GAB2: variants seen among roughly 807,000 people sequenced by gnomAD.
GAB2 encodes the protein GRB2 associated binding protein 2.
Under a neutral mutation model 65.5 loss-of-function variants are expected in GAB2, and 26 were observed. That is an observed-to-expected ratio of 0.40 (90% CI 0.29 to 0.55). GAB2 has a LOEUF of 0.55. GAB2 is among the 20% of genes least tolerant of loss of function. The pLI is 0.53. For synonymous variants in GAB2, 321 were observed against 329.6 expected, an observed-to-expected ratio of 0.97 and a Z score of 0.28; for missense variants, 884 against 875.8, an observed-to-expected ratio of 1.01 and a Z score of -0.12.
At position 78,379,572 on chromosome 11, in the gene GAB2, C is replaced by G. The variant is rs1856672453; in HGVS notation, c.75+38074G>C. Among the ~76,000 whole-genome samples, 12 of 152,332 alleles carry G rather than the reference C, an allele frequency of 7.9e-5. 1 individual carries two copies. The South Asian group carries it at 2.5e-3, about 32-fold the overall frequency. On this transcript the variant is annotated intron_variant, in intron 1 of 9. Coordinates refer to ENST00000361507, the MANE Select transcript of GAB2 (RefSeq NM_080491.3). ...AATGGGTCCTGATACCTTCACCATC[C>G]TATGATTTTCAACAAGCTACTATAT...
chr11:78,389,875 A>G (rs1450927948), intron 1 of GAB2, among the ~76,000 whole-genome samples: 1 of 152,200 alleles, frequency 6.6e-6, no homozygotes, highest in Non-Finnish European at 1.5e-5. Context: ...TCTCTCTCGC[A>G]ATGCCTAGCT....
chr11:78,215,424 C>T lies in GAB2; in HGVS notation c.*3848G>A, dbSNP rs1864071312. 1 of 152,590 alleles carries T rather than the reference C, an allele frequency of 6.6e-6. No homozygotes were observed. The highest frequency in any genetic ancestry group is 6.5e-5 in the Admixed American group (1 of 15,278). 9.5% of individuals were successfully genotyped at this position (152,590 alleles called of 1,614,324 possible). On this transcript the variant is annotated 3_prime_UTR_variant, in exon 10 of 10. Transcript: ENST00000361507. Reference sequence around the variant, plus strand: ...GACCCACTTGAACACACTCCTGTCCCACCCACCGGATAAATATGTTACAAT... The same window carrying T: ...GACCCACTTGAACACACTCCTGTCCTACCCACCGGATAAATATGTTACAAT...
intron 1 of GAB2, among the ~76,000 whole-genome samples, chr11:78,405,818 G>A (rs1018652748): frequency 6.6e-6 from 1 of 152,146 alleles, no homozygotes; most frequent in African/African-American, 2.4e-5. Flanking sequence ...CAGTCAGCAT[G>A]GCAGAAACAC....
chr11:78,373,553 A>T (rs1856598200), intron 1 of GAB2, among the ~76,000 whole-genome samples: 1 of 152,122 alleles, frequency 6.6e-6, no homozygotes, highest in Non-Finnish European at 1.5e-5. Context: ...ATGACTTTTT[A>T]AATCAAATAA....
At chr11:78,417,060 A>G (rs1436953525) in intron 1 of GAB2, among the ~76,000 whole-genome samples, 1 of 152,126 alleles carries the variant, frequency 6.6e-6, no homozygotes, top group Non-Finnish European at 1.5e-5. Context: ...GAATAAAGGG[A>G]AAGAAGGGGG....
At chr11:78,358,972 T>A (rs755467242) in intron 1 of GAB2, among the ~76,000 whole-genome samples, 1 of 152,024 alleles carries the variant, frequency 6.6e-6, no homozygotes, top group Non-Finnish European at 1.5e-5. Context: ...AATGAAAAAG[T>A]CCATGGTCAA....
At chr11:78,329,260 A>T (rs1391465430) in intron 1 of GAB2, among the ~76,000 whole-genome samples, 1 of 152,070 alleles carries the variant, frequency 6.6e-6, no homozygotes, top group Non-Finnish European at 1.5e-5. Flanking sequence ...GCTAGGAGAA[A>T]GAGAGTAGAG....
intron 1 of GAB2, among the ~76,000 whole-genome samples, chr11:78,345,848 C>T (rs146765780): frequency 2.0e-4 from 31 of 152,304 alleles, no homozygotes; most frequent in Non-Finnish European, 4.4e-4. Context: ...CTGTCCTCAT[C>T]CTACCAGCTG....
At chr11:78,318,718 G>C (rs555877482) in intron 1 of GAB2, among the ~76,000 whole-genome samples, 1 of 152,140 alleles carries the variant, frequency 6.6e-6, no homozygotes, top group Non-Finnish European at 1.5e-5. Flanking sequence ...GGTTTCTGAC[G>C]AATTCTGAAT....
intron 1 of GAB2, among the ~76,000 whole-genome samples, chr11:78,371,805 G>A (rs1276497280): frequency 6.6e-6 from 1 of 152,124 alleles, no homozygotes; most frequent in Non-Finnish European, 1.5e-5. Context: ...TCTGACAGCT[G>A]TACCGGCCAG....
chr11:78,367,821 C>CTTTTTTTTTTTTTTT (rs569887849), intron 1 of GAB2, among the ~76,000 whole-genome samples: 1 of 116,122 alleles, frequency 8.6e-6, no homozygotes, highest in Non-Finnish European at 1.8e-5. Context: ...TTTTCTTTTT[C>CTTTTTTTTTTTTTTT]TTTTTTTTTT....
rs144463451 is a variant in GAB2, at chr11:78,303,318, T to A, written c.76-22417A>T. ...AAATGTTTTATAATTTTAGCTTTGA[T>A]ATTTGTCTATGACCCATGTTTGTAT... On this transcript the variant is annotated intron_variant, in intron 1 of 9. Transcript: ENST00000361507. 5.6e-3 allele frequency among the ~76,000 whole-genome samples: 853 copies of A among 152,318 alleles called. 7 individuals are homozygous for A. The highest frequency in any genetic ancestry group is 8.5e-3 in the Non-Finnish European group (578 of 68,022).
At chr11:78,410,333 G>A (rs1474179001) in intron 1 of GAB2, among the ~76,000 whole-genome samples, 1 of 152,150 alleles carries the variant, frequency 6.6e-6, no homozygotes, top group Non-Finnish European at 1.5e-5. Flanking sequence ...GTGAAACCCT[G>A]TCTCTACTAA....
chr11:78,338,803 C>T (rs542769233), intron 1 of GAB2, among the ~76,000 whole-genome samples: 2 of 152,294 alleles, frequency 1.3e-5, no homozygotes, highest in South Asian at 2.1e-4. Context: ...TCTGGGAACA[C>T]CTTAATAATA....
chr11:78,398,013 T>C (rs1444707644), intron 1 of GAB2, among the ~76,000 whole-genome samples: 1 of 107,078 alleles, frequency 9.3e-6, no homozygotes, highest in Non-Finnish European at 1.7e-5. Flanking sequence ...GTCCTGCCTG[T>C]GAATAGCTAC....
Position 78,280,592 on chromosome 11 carries a change from TTC to T in GAB2, c.376+7_376+8del. 10 of 1,608,204 alleles carry T rather than the reference TTC, an allele frequency of 6.2e-6. No individual in the cohort carries two copies. The highest frequency in any genetic ancestry group is 8.5e-6 in the Non-Finnish European group (10 of 1,175,898). On this transcript the variant is annotated splice_region_variant and intron_variant, in intron 2 of 9. Transcript: ENST00000361507. ...CCCCTATGAGAAAGATCTGTGTGCG[TTC>T]TCATACCTGTGCTCTCCTCAGCCTG...
At chr11:78,326,910 G>A (rs561103598) in intron 1 of GAB2, among the ~76,000 whole-genome samples, 1 of 152,284 alleles carries the variant, frequency 6.6e-6, no homozygotes, top group East Asian at 1.9e-4. Flanking sequence ...GTAAGAAGAA[G>A]GCCTAGAAGT....
chr11:78,345,261 G>C (rs995197959), intron 1 of GAB2, among the ~76,000 whole-genome samples: 11 of 152,110 alleles, frequency 7.2e-5, no homozygotes, highest in Admixed American at 7.2e-4. Flanking sequence ...CCTGAGCAAT[G>C]GGAATGAAAT....
chr11:78,232,212 A>C lies in GAB2; in HGVS notation c.621-5161T>G, dbSNP rs115372543. ...GGGTAAGCTCTCCACTGACATTTCTAATTTTACCATTTACCCACCATCTTT... is the reference window on the plus strand; with the variant it reads ...GGGTAAGCTCTCCACTGACATTTCTCATTTTACCATTTACCCACCATCTTT... On this transcript the variant is annotated intron_variant, in intron 3 of 9. Transcript: ENST00000361507. Among the ~76,000 whole-genome samples, 8 of 152,316 alleles carry C rather than the reference A, an allele frequency of 5.3e-5. No homozygotes were observed. In the South Asian group the frequency reaches 1.7e-3, roughly 32 times the overall value.
Sources: gnomAD v4.1 joint callset for allele counts (sites outside exome capture counted in the v4.1 genomes callset) on GRCh38, gnomAD v4.1.1 for gene constraint, MANE v1.5 for transcripts, NCBI Gene and HGNC (gene_info 2026-07-23, HGNC 2026-07-21) for gene names.